EDEM2: variants seen among roughly 807,000 people sequenced by gnomAD.
EDEM2 encodes ER degradation enhancing alpha-mannosidase like protein 2.
In EDEM2, 39 loss-of-function variants were observed where a neutral mutation model predicts 64.8. That is an observed-to-expected ratio of 0.60 (90% CI 0.47 to 0.79). The LOEUF (loss-of-function observed/expected upper bound fraction) is 0.79. Ranked by LOEUF, EDEM2 falls within the 30% of genes least tolerant of loss-of-function variation. EDEM2 has a pLI of 0.00. For missense variants in EDEM2, 609 were observed against 731.3 expected (o/e 0.83, Z 1.93); for synonymous variants, 296 against 291.5 (o/e 1.02, Z -0.16).
chr20:35,134,976 G>T, intron 5 of EDEM2, 27 bp from the exon 6 acceptor site: 2 of 1,609,138 alleles, frequency 1.2e-6, no homozygotes, highest in South Asian at 1.1e-5. Context: ...TTATGATCCC[G>T]GACAGGAGCA....
rs763825101 is a variant in EDEM2 at position 35,115,398 on chromosome 20, C to T, written c.*35G>A. 3.8e-6 allele frequency: 6 copies of T among 1,582,872 alleles called. No individual in the cohort carries two copies. The highest frequency in any genetic ancestry group is 5.1e-6 in the Non-Finnish European group (6 of 1,167,928). On this transcript the variant is annotated 3_prime_UTR_variant, in exon 11 of 11. Transcript: ENST00000374492. ...CAAAAGCAATTTATTATAGTTTAGC[C>T]TCAAAAAAATAAAAATAAAAAAATT...
Position 35,134,960 on chromosome 20 carries a change from G to A in EDEM2, c.491-11C>T, listed in dbSNP as rs759010019. ...TGGGGGTCTGAAAGGCTGAACAATC[G>A]ACAAATTATGATCCCGGACAGGAGC... On this transcript the variant is annotated splice_polypyrimidine_tract_variant and intron_variant, in intron 5 of 10. Coordinates refer to ENST00000374492, the MANE Select transcript of EDEM2 (RefSeq NM_018217.3). 7 of 1,612,874 alleles carry A rather than the reference G, an allele frequency of 4.3e-6. No individual in the cohort carries two copies. The highest frequency in any genetic ancestry group is 1.1e-5 in the South Asian group (1 of 91,050).
At chr20:35,120,078 T>C (rs564661845) in intron 9 of EDEM2, among the ~76,000 whole-genome samples, 52 of 152,326 alleles carry the variant, frequency 3.4e-4, no homozygotes, top group Non-Finnish European at 5.9e-4. Context: ...TTAATTACTT[T>C]TTTGTGACAG....
intron 4 of EDEM2, among the ~76,000 whole-genome samples, chr20:35,139,560 G>A (rs1211513844): frequency 6.6e-6 from 1 of 150,672 alleles, no homozygotes; most frequent in Non-Finnish European, 1.5e-5. Flanking sequence ...TGAGGCAGGA[G>A]AATTGCTTGA....
At chr20:35,121,564 G>A (rs1197922060) in intron 9 of EDEM2, among the ~76,000 whole-genome samples, 1 of 152,332 alleles carries the variant, frequency 6.6e-6, no homozygotes, top group East Asian at 1.9e-4. Context: ...CCCTGCTCTA[G>A]AGGAAGGAGA....
chr20:35,139,344 C>A (rs1474077384), intron 4 of EDEM2, among the ~76,000 whole-genome samples: 1 of 129,048 alleles, frequency 7.7e-6, no homozygotes. Context: ...AGTGAGACTC[C>A]GTCTCAAAAA....
At chr20:35,139,440 G>A (rs537959151) in intron 4 of EDEM2, among the ~76,000 whole-genome samples, 1 of 151,436 alleles carries the variant, frequency 6.6e-6, no homozygotes, top group Admixed American at 6.6e-5. Context: ...CCTGAGCTCA[G>A]GAGTTCGTGA....
chr20:35,144,723 C>T (rs879510787), intron 3 of EDEM2, among the ~76,000 whole-genome samples: 7 of 152,144 alleles, frequency 4.6e-5, no homozygotes, highest in Admixed American at 3.3e-4. Flanking sequence ...CCCCATAGAG[C>T]TATGCAAGCC....
At chr20:35,128,001 A>G (rs1268453302) in intron 7 of EDEM2, among the ~76,000 whole-genome samples, 2 of 152,238 alleles carry the variant, frequency 1.3e-5, no homozygotes, top group Admixed American at 6.5e-5. Flanking sequence ...AACACATACA[A>G]TTATGTATAG....
At chr20:35,136,387 A>G (rs2085575546) in intron 5 of EDEM2, among the ~76,000 whole-genome samples, 1 of 152,200 alleles carries the variant, frequency 6.6e-6, no homozygotes. Flanking sequence ...ATGAGCCATG[A>G]GCCATGAGTG....
intron 10 of EDEM2, among the ~76,000 whole-genome samples, chr20:35,116,943 C>G (rs1389429963): frequency 6.6e-6 from 1 of 152,076 alleles, no homozygotes; most frequent in African/African-American, 2.4e-5. Flanking sequence ...GCACATGCCA[C>G]CACACCCAGG....
intron 8 of EDEM2, 55 bp downstream of exon 8, chr20:35,126,196 G>A (rs2085429830): frequency 1.3e-6 from 2 of 1,588,254 alleles, no homozygotes; most frequent in East Asian, 2.2e-5. Context: ...ACATCAGAAT[G>A]AGCTTGCTTT....
In EDEM2 at chr20:35,134,896, C is replaced by T. The variant is rs764015871; in HGVS notation, c.544G>A (p.Val182Met). The change falls in exon 6 of 11, where the codon GTG becomes ATG. Residue 182 changes from valine (V) to methionine (M), a missense_variant. By Grantham distance (21) the Val-to-Met change is conservative. Transcript: ENST00000374492. ...PYGTVNLLHG[V>M]NPGETPVTCT... ...GTGACAGGGGTCTCTCCTGGGTTCACGCCATGAAGTAAGTTCACTGTTCCA... is the reference window on the plus strand; with the variant it reads ...GTGACAGGGGTCTCTCCTGGGTTCATGCCATGAAGTAAGTTCACTGTTCCA... 3.7e-6 allele frequency: 6 copies of T among 1,614,138 alleles called. No homozygotes were observed. Among genetic ancestry groups the T allele is most frequent in the East Asian group, 2.2e-5 (1 of 44,884 alleles).
At chr20:35,134,271 C>T (rs1389162058) in intron 6 of EDEM2, 6 of 386,654 alleles carry the variant, frequency 1.6e-5, no homozygotes, top group Non-Finnish European at 3.0e-5. Context: ...CATTCTGACT[C>T]TCCAAAAAAG....
chr20:35,126,810 G>C (rs2085439596), intron 7 of EDEM2, among the ~76,000 whole-genome samples: 1 of 152,194 alleles, frequency 6.6e-6, no homozygotes, highest in Non-Finnish European at 1.5e-5. Context: ...TACTTGGGAG[G>C]CTGAGGAAGG....
intron 3 of EDEM2, among the ~76,000 whole-genome samples, chr20:35,144,678 C>G (rs1480046195): frequency 6.6e-6 from 1 of 152,146 alleles, no homozygotes; most frequent in Non-Finnish European, 1.5e-5. Context: ...AGAATGTAAG[C>G]CTCTGAAAAC....
chr20:35,120,770 G>C (rs1444315540), intron 9 of EDEM2, among the ~76,000 whole-genome samples: 1 of 151,962 alleles, frequency 6.6e-6, no homozygotes, highest in African/African-American at 2.4e-5. Flanking sequence ...GCTAATTTTT[G>C]TATTTTTAGT....
Position 35,146,813 on chromosome 20 carries a change from C to T in EDEM2, c.218+12G>A. The T allele has an allele frequency of 1.2e-6, 2 of 1,612,996 alleles. No individual in the cohort carries two copies. The highest frequency in any genetic ancestry group is 1.1e-5 in the South Asian group (1 of 90,844). On this transcript the variant is annotated intron_variant, in intron 2 of 10. Coordinates refer to ENST00000374492, the MANE Select transcript of EDEM2 (RefSeq NM_018217.3). Reference sequence around the variant, plus strand: ...AGACCCTGGCCGCCCCTTGCCCCTCCGCTCGCACTACCTGCCCCAGGTGTC... The same window carrying T: ...AGACCCTGGCCGCCCCTTGCCCCTCTGCTCGCACTACCTGCCCCAGGTGTC...
At chr20:35,126,223 G>A (rs751025367) in intron 8 of EDEM2, 28 bp downstream of exon 8, 1 of 1,607,190 alleles carries the variant, frequency 6.2e-7, no homozygotes, top group Non-Finnish European at 8.5e-7. Context: ...CTCATAGAAA[G>A]ATGATCACAT....
Sources: gnomAD v4.1 joint callset for allele counts (sites outside exome capture counted in the v4.1 genomes callset) on GRCh38, gnomAD v4.1.1 for gene constraint, MANE v1.5 for transcripts, NCBI Gene and HGNC (gene_info 2026-07-23, HGNC 2026-07-21) for gene names.